The following PDE11A variants were observed in gnomAD, a reference collection of about 807,000 sequenced individuals.
PDE11A encodes dual 3',5'-cyclic-AMP and -GMP phosphodiesterase 11A.
PDE11A carries 100 observed loss-of-function variants against 100.5 expected under a neutral mutation model. That is an observed-to-expected ratio of 1.00 (90% confidence interval 0.85 to 1.18). PDE11A has a LOEUF of 1.18. Ranked by LOEUF, PDE11A falls within the 50% of genes most tolerant of loss-of-function variation. The pLI, the probability that PDE11A is intolerant of heterozygous loss-of-function variation, is 0.00. For synonymous variants in PDE11A, 381 were observed against 420.8 expected, an observed-to-expected ratio of 0.91 and a Z score of 1.16; for missense variants, 1,141 against 1,152.6, an observed-to-expected ratio of 0.99 and a Z score of 0.15.
chr2:177,972,669 G>T (rs2085787040), intron 2 of PDE11A, among the ~76,000 whole-genome samples: 1 of 152,190 alleles, frequency 6.6e-6, no homozygotes, highest in African/African-American at 2.4e-5. Context: ...AGATGGGTGG[G>T]CAAAGGGTCC....
intron 13 of PDE11A, among the ~76,000 whole-genome samples, chr2:177,702,109 T>C (rs1023666669): frequency 6.6e-6 from 1 of 152,234 alleles, no homozygotes; most frequent in Non-Finnish European, 1.5e-5. Flanking sequence ...TAAATACTCA[T>C]TGATACTTAA....
intron 1 of PDE11A, among the ~76,000 whole-genome samples, chr2:178,027,676 T>C (rs564657739): frequency 6.6e-5 from 10 of 152,252 alleles, no homozygotes; most frequent in Admixed American, 2.0e-4. Flanking sequence ...AAAGGTCCAA[T>C]TGACCTGCTA....
chr2:177,797,154 C>A (rs1406186940), intron 9 of PDE11A: 1 of 152,184 alleles, frequency 6.6e-6, no homozygotes, highest in Non-Finnish European at 1.5e-5. Context: ...AGAAAACAGG[C>A]CCTTTACCTT....
chr2:177,651,488 G>A (rs549118817), intron 19 of PDE11A, among the ~76,000 whole-genome samples: 9 of 152,248 alleles, frequency 5.9e-5, no homozygotes, highest in South Asian at 2.1e-4. Context: ...CCAAACCTAC[G>A]AGCCAGTGGT....
chr2:177,880,667 G>GA (rs2084315419), intron 4 of PDE11A, among the ~76,000 whole-genome samples: 1 of 152,122 alleles, frequency 6.6e-6, no homozygotes, highest in African/African-American at 2.4e-5. Flanking sequence ...CAGGAATGAG[G>GA]AAAGTATTGT....
At chr2:177,764,482 G>A (rs2082212740) in intron 10 of PDE11A, among the ~76,000 whole-genome samples, 1 of 152,170 alleles carries the variant, frequency 6.6e-6, no homozygotes. Context: ...GAATTGTTTG[G>A]TCTGTCCACC....
intron 9 of PDE11A, among the ~76,000 whole-genome samples, chr2:177,805,329 A>AT (rs926556864): frequency 1.7e-4 from 26 of 150,828 alleles, no homozygotes; most frequent in African/African-American, 3.6e-4. Flanking sequence ...GGTTTCCATG[A>AT]TTTTTTTTTC....
chr2:178,054,120 A>G (rs1486543747), intron 1 of PDE11A, among the ~76,000 whole-genome samples: 1 of 152,222 alleles, frequency 6.6e-6, no homozygotes, highest in African/African-American at 2.4e-5. Flanking sequence ...TACAGGAACC[A>G]AAACAGCATG....
At chr2:177,869,043 G>A (rs1574234441) in intron 5 of PDE11A, among the ~76,000 whole-genome samples, 2 of 152,330 alleles carry the variant, frequency 1.3e-5, no homozygotes, top group South Asian at 4.1e-4. Flanking sequence ...ATCTCTATGT[G>A]TGTGTATGTG....
upstream of PDE11A, among the ~76,000 whole-genome samples, chr2:178,075,537 G>C (rs1559064157): frequency 8.1e-6 from 1 of 123,076 alleles, no homozygotes; most frequent in Non-Finnish European, 1.6e-5. Context: ...GGGCAACAGA[G>C]TGAGACTCTG....
chr2:177,940,795 T>C (rs1210143979), intron 2 of PDE11A, among the ~76,000 whole-genome samples: 1 of 152,204 alleles, frequency 6.6e-6, no homozygotes, highest in Admixed American at 6.5e-5. Flanking sequence ...ATATATACCG[T>C]GAGTCTCTTA....
intron 2 of PDE11A, among the ~76,000 whole-genome samples, chr2:178,089,098 T>C (rs1430440565): frequency 1.3e-5 from 2 of 152,184 alleles, no homozygotes; most frequent in African/African-American, 4.8e-5. Context: ...CCACTACGAT[T>C]GATGTGAATA....
intron 2 of PDE11A, among the ~76,000 whole-genome samples, chr2:177,918,132 A>G (rs183717628): frequency 4.4e-4 from 67 of 152,350 alleles, no homozygotes; most frequent in Middle Eastern, 3.4e-3. Flanking sequence ...TGAAGGGCCA[A>G]TCATTTATTA....
intron 10 of PDE11A, among the ~76,000 whole-genome samples, chr2:177,755,127 A>G (rs544089034): frequency 1.8e-3 from 269 of 152,328 alleles, no homozygotes; most frequent in Non-Finnish European, 2.7e-3. Flanking sequence ...GCTAGTCATT[A>G]GTGAGGAGTT....
At chr2:177,850,332 A>G (rs1558971631) in intron 5 of PDE11A, among the ~76,000 whole-genome samples, 1 of 152,214 alleles carries the variant, frequency 6.6e-6, no homozygotes, top group African/African-American at 2.4e-5. Flanking sequence ...GGCTAGACAT[A>G]TGTAGAAAGC....
chr2:177,979,236 CT>C (rs554481814), intron 2 of PDE11A, among the ~76,000 whole-genome samples: 42 of 150,762 alleles, frequency 2.8e-4, no homozygotes, highest in African/African-American at 9.9e-4. Flanking sequence ...GAATAAACTT[CT>C]TTTTGGAAAG....
intron 10 of PDE11A, among the ~76,000 whole-genome samples, chr2:177,739,002 A>G (rs1400442517): frequency 1.3e-5 from 2 of 152,216 alleles, no homozygotes; most frequent in African/African-American, 4.8e-5. Flanking sequence ...TAAAATGTCA[A>G]GTTTATCAAA....
At chr2:178,008,253 T>A (rs34406776) in intron 2 of PDE11A, among the ~76,000 whole-genome samples, 8,459 of 152,256 alleles carry the variant, frequency 0.056, 297 homozygotes, top group South Asian at 0.092. Flanking sequence ...ATTCAAAAAG[T>A]ACCTTTGAAA....
rs541634764 is a variant in PDE11A, at chr2:177,951,101, T to C, written c.1072-45914A>G. Among the ~76,000 whole-genome samples the C allele has an allele frequency of 4.6e-5, 7 of 152,290 alleles. No homozygotes were observed. In the South Asian group the frequency reaches 1.4e-3, roughly 32 times the overall value. ...CCTGTTGTGAATCTTTTATGTTAGA[T>C]AGAAATGTTCCTCTGAGCTAAGTGT... On this transcript the variant is annotated intron_variant, in intron 2 of 19. Transcript: ENST00000286063.
Sources: allele counts gnomAD v4.1 joint callset (sites outside exome capture counted in the v4.1 genomes callset), GRCh38; gene constraint gnomAD v4.1.1; transcripts MANE v1.5; gene names NCBI Gene and HGNC (gene_info 2026-07-23, HGNC 2026-07-21).